FHIT: variants seen among roughly 807,000 people sequenced by gnomAD.
The protein encoded by FHIT is bis(5'-adenosyl)-triphosphatase.
A neutral mutation model predicts 17.9 loss-of-function variants in FHIT; 19 were observed. The ratio of observed to expected loss-of-function variants is 1.06; its 90% CI spans 0.74 to 1.56. FHIT has a LOEUF of 1.56. FHIT is among the 40% of genes most tolerant of loss of function. FHIT has a pLI of 0.00. For synonymous variants in FHIT, 81 were observed against 69.7 expected, an observed-to-expected ratio of 1.16 and a Z score of -0.81; for missense variants, 248 against 189.2, an observed-to-expected ratio of 1.31 and a Z score of -1.82.
chr3:61,243,493 G>T (rs2040419042), intron 1 of FHIT, among the ~76,000 whole-genome samples: 1 of 152,112 alleles, frequency 6.6e-6, no homozygotes, highest in Non-Finnish European at 1.5e-5. Flanking sequence ...ACAGAGGATG[G>T]GGGTAGGAAG....
intron 5 of FHIT, among the ~76,000 whole-genome samples, chr3:60,325,953 G>A (rs541784656): frequency 1.3e-5 from 2 of 152,114 alleles, no homozygotes; most frequent in East Asian, 1.9e-4. Context: ...CTTAATTTCC[G>A]CATTCAAAGG....
chr3:60,333,195 G>C (rs1240727283), intron 5 of FHIT, among the ~76,000 whole-genome samples: 1 of 152,190 alleles, frequency 6.6e-6, no homozygotes, highest in Non-Finnish European at 1.5e-5. Flanking sequence ...TGAACAATGT[G>C]ACATTTGCTT....
intron 5 of FHIT, among the ~76,000 whole-genome samples, chr3:60,022,685 A>G (rs1392617000): frequency 6.6e-6 from 1 of 152,220 alleles, no homozygotes; most frequent in East Asian, 1.9e-4. Context: ...CATGTTGAAG[A>G]GGATTCTGAA....
intron 4 of FHIT, among the ~76,000 whole-genome samples, chr3:60,680,818 G>C (rs1446557986): frequency 6.6e-6 from 1 of 152,164 alleles, no homozygotes; most frequent in Non-Finnish European, 1.5e-5. Flanking sequence ...CCAGGCACTA[G>C]AGCACATTTC....
chr3:60,636,061 T>G (rs917140832), intron 4 of FHIT, among the ~76,000 whole-genome samples: 17 of 147,702 alleles, frequency 1.2e-4, no homozygotes, highest in African/African-American at 4.2e-4. Flanking sequence ...AATTAAGCTT[T>G]GTACAATGAT....
intron 4 of FHIT, among the ~76,000 whole-genome samples, chr3:60,686,683 A>C (rs1227338136): frequency 1.3e-5 from 2 of 152,136 alleles, no homozygotes; most frequent in African/African-American, 4.8e-5. Flanking sequence ...TACACCAAAA[A>C]TTTGTAATGC....
intron 5 of FHIT, among the ~76,000 whole-genome samples, chr3:60,191,484 G>T (rs946671127): frequency 2.0e-5 from 3 of 152,114 alleles, no homozygotes; most frequent in African/African-American, 7.2e-5. Context: ...GAACATAATG[G>T]CAGTGTACAT....
chr3:59,832,580 G>A (rs76373301), intron 8 of FHIT, among the ~76,000 whole-genome samples: 8,080 of 152,212 alleles, frequency 0.053, 263 homozygotes, highest in Non-Finnish European at 0.075. Flanking sequence ...TGAATAGCAT[G>A]GCCCCGATGA....
At chr3:60,077,631 A>G (rs1703073061) in intron 5 of FHIT, 1 of 151,730 alleles carries the variant, frequency 6.6e-6, no homozygotes, top group African/African-American at 2.4e-5. Context: ...AAAATAAAAT[A>G]AAAACTGATA....
At chr3:59,993,317 T>G (rs1023242090) in intron 7 of FHIT, among the ~76,000 whole-genome samples, 2 of 152,072 alleles carry the variant, frequency 1.3e-5, no homozygotes, top group African/African-American at 2.4e-5. Flanking sequence ...ACCTGGAGCT[T>G]GTAACAACAT....
intron 5 of FHIT, among the ~76,000 whole-genome samples, chr3:60,418,072 T>C (rs1255896647): frequency 6.6e-6 from 1 of 152,090 alleles, no homozygotes; most frequent in African/African-American, 2.4e-5. Context: ...AATGGGCCTC[T>C]TGTTGCAATT....
intron 5 of FHIT, among the ~76,000 whole-genome samples, chr3:60,043,455 A>T (rs1360710329): frequency 6.6e-6 from 1 of 152,206 alleles, no homozygotes; most frequent in African/African-American, 2.4e-5. Context: ...TGAGACTGAT[A>T]TTACTAGCTC....
chr3:60,173,751 C>A (rs1336778733), intron 5 of FHIT, among the ~76,000 whole-genome samples: 1 of 151,006 alleles, frequency 6.6e-6, no homozygotes, highest in African/African-American at 2.4e-5. Context: ...CAGGAGGAGC[C>A]CTTTCTCTGG....
intron 5 of FHIT, among the ~76,000 whole-genome samples, chr3:60,332,414 C>G (rs977970493): frequency 5.5e-4 from 84 of 152,270 alleles, no homozygotes; most frequent in African/African-American, 2.0e-3. Flanking sequence ...GAGGAAAATT[C>G]GAGCAGACAG....
At chr3:60,570,051 G>C (rs964300946) in intron 4 of FHIT, among the ~76,000 whole-genome samples, 5 of 151,994 alleles carry the variant, frequency 3.3e-5, no homozygotes, top group Non-Finnish European at 5.9e-5. Flanking sequence ...CCAAAGCCCA[G>C]ACTATGCCAC....
chr3:60,048,252 C>G (rs901677222), intron 5 of FHIT, among the ~76,000 whole-genome samples: 1 of 152,198 alleles, frequency 6.6e-6, no homozygotes, highest in Non-Finnish European at 1.5e-5. Flanking sequence ...TCTCAGATCA[C>G]TGCACCTTCT....
intron 5 of FHIT, among the ~76,000 whole-genome samples, chr3:60,161,907 G>A (rs1700958387): frequency 1.3e-5 from 2 of 152,134 alleles, no homozygotes; most frequent in Non-Finnish European, 2.9e-5. Flanking sequence ...CCCCTTCAAT[G>A]GGCACAAGTA....
chr3:60,932,429 C>T (rs565304357), intron 3 of FHIT, among the ~76,000 whole-genome samples: 25 of 152,236 alleles, frequency 1.6e-4, no homozygotes, highest in African/African-American at 6.0e-4. Flanking sequence ...CTCCCGTGCC[C>T]TTTGGTTTCT....
At chr3:59,928,853 G>C (rs9682165) in intron 7 of FHIT, among the ~76,000 whole-genome samples, 24,260 of 151,938 alleles carry the variant, frequency 0.16, 2,215 homozygotes, top group Middle Eastern at 0.27. Flanking sequence ...AAATTAGCCA[G>C]GCATGGTGGC....
Sources: gnomAD v4.1 joint callset for allele counts (sites outside exome capture counted in the v4.1 genomes callset) on GRCh38, gnomAD v4.1.1 for gene constraint, MANE v1.5 for transcripts, NCBI Gene and HGNC (gene_info 2026-07-23, HGNC 2026-07-21) for gene names.